Variants in LIPI observed in about 807,000 individuals in gnomAD.
LIPI encodes lipase member I.
LIPI carries 59 observed loss-of-function variants against 50.6 expected under a neutral mutation model. That is an observed-to-expected ratio of 1.16 (90% confidence interval 0.94 to 1.45). The LOEUF (loss-of-function observed/expected upper bound fraction) is 1.45. Among genes scored for constraint, LIPI ranks in the 40% most tolerant of loss-of-function variants. The pLI, the probability that LIPI is intolerant of heterozygous loss-of-function variation, is 0.00. For synonymous variants in LIPI, 203 were observed against 178.2 expected, an observed-to-expected ratio of 1.14 and a Z score of -1.11; for missense variants, 586 against 536.3, an observed-to-expected ratio of 1.09 and a Z score of -0.92.
At chr21:14,156,514 C>T (rs751125354) in intron 7 of LIPI, among the ~76,000 whole-genome samples, 3 of 151,874 alleles carry the variant, frequency 2.0e-5, no homozygotes, top group Non-Finnish European at 4.4e-5. Flanking sequence ...CCTGCTAACA[C>T]CTTGACTTTA....
chr21:14,198,821 C>T (rs541000646), intron 1 of LIPI, among the ~76,000 whole-genome samples: 1 of 151,940 alleles, frequency 6.6e-6, no homozygotes, highest in African/African-American at 2.4e-5. Flanking sequence ...TTTTCAAGGC[C>T]ACATGGCAAA....
intron 9 of LIPI, among the ~76,000 whole-genome samples, chr21:14,142,640 G>A (rs2017754863): frequency 6.6e-6 from 1 of 151,092 alleles, no homozygotes; most frequent in Non-Finnish European, 1.5e-5. Context: ...GCACCATCAT[G>A]CATGGCTAAT....
At chr21:14,129,418 A>G (rs1032759239) in intron 9 of LIPI, among the ~76,000 whole-genome samples, 5 of 152,090 alleles carry the variant, frequency 3.3e-5, no homozygotes, top group Non-Finnish European at 5.9e-5. Context: ...ATACCTAGGT[A>G]ATAACTATAA....
intron 1 of LIPI, among the ~76,000 whole-genome samples, chr21:14,202,972 C>G (rs2020109888): frequency 6.6e-6 from 1 of 150,676 alleles, no homozygotes; most frequent in Admixed American, 6.6e-5. Context: ...ACAATGAATT[C>G]AAACAAATTT....
intron 4 of LIPI, among the ~76,000 whole-genome samples, chr21:14,170,981 A>T (rs1247965533): frequency 6.6e-6 from 1 of 151,612 alleles, no homozygotes; most frequent in African/African-American, 2.4e-5. Context: ...TTCTCAGCCC[A>T]AAATCTCCTT....
intron 9 of LIPI, among the ~76,000 whole-genome samples, chr21:14,120,565 C>T (rs73155579): frequency 0.026 from 3,939 of 152,226 alleles, 74 homozygotes; most frequent in Non-Finnish European, 0.042. Flanking sequence ...GATGAGACTA[C>T]AGGAAACAGA....
chr21:14,144,593 CAT>C (rs1288179183), intron 9 of LIPI, 28 bp downstream of exon 9: 3 of 1,213,726 alleles, frequency 2.5e-6, no homozygotes, highest in South Asian at 1.3e-5. Context: ...TAAAAGATAA[CAT>C]GTTGAAATCA....
intron 9 of LIPI, among the ~76,000 whole-genome samples, chr21:14,141,522 T>C (rs1322407345): frequency 1.3e-5 from 2 of 152,198 alleles, no homozygotes; most frequent in African/African-American, 4.8e-5. Flanking sequence ...TTTATGGAAC[T>C]TTCTTCTGTT....
chr21:14,117,419 C>T (rs1253506936), intron 9 of LIPI, among the ~76,000 whole-genome samples: 1 of 152,204 alleles, frequency 6.6e-6, no homozygotes, highest in East Asian at 1.9e-4. Context: ...GAAAGCAACA[C>T]CCCAGTAGGC....
intron 7 of LIPI, 39 bp downstream of exon 7, chr21:14,163,380 T>C (rs1482314080): frequency 3.0e-6 from 3 of 1,012,716 alleles, no homozygotes; most frequent in Non-Finnish European, 4.7e-6. Flanking sequence ...CAAAAAAAAC[T>C]AAAAATTTGT....
At chr21:14,210,572 T>A (rs974473159) in intron 1 of LIPI, among the ~76,000 whole-genome samples, 2 of 152,034 alleles carry the variant, frequency 1.3e-5, no homozygotes, top group South Asian at 2.1e-4. Context: ...TTACTAATTA[T>A]CTGGCAAGGA....
chr21:14,124,511 T>G (rs907023450), intron 9 of LIPI, among the ~76,000 whole-genome samples: 1 of 152,198 alleles, frequency 6.6e-6, no homozygotes, highest in Non-Finnish European at 1.5e-5. Flanking sequence ...TGAGGCTCAG[T>G]GAGTTCCTGC....
Position 14,144,504 on chromosome 21 carries a change from A to C in LIPI, c.1295+119T>G, listed in dbSNP as rs576210452. ...AGATTCTAATATTTATGTAAAATAT[A>C]GTCTGAAATACACAATAAACAGATA... is the stretch of plus-strand genomic sequence containing the variant. On this transcript the variant is annotated intron_variant, in intron 9 of 9. Coordinates refer to ENST00000681601, the MANE Select transcript of LIPI (RefSeq NM_001302998.2). 27 of 539,774 alleles carry C rather than the reference A, an allele frequency of 5.0e-5. No individual in the cohort carries two copies. The South Asian group carries it at 8.9e-4, about 18-fold the overall frequency. The allele number at this position is 539,774 out of a possible 1,614,324, so 33.4% of individuals were successfully genotyped here.
At chr21:14,195,280 A>G (rs1050996326) in intron 1 of LIPI, among the ~76,000 whole-genome samples, 1 of 152,178 alleles carries the variant, frequency 6.6e-6, no homozygotes, top group Non-Finnish European at 1.5e-5. Context: ...CTTTGCATAC[A>G]TGGGATAGAA....
chr21:14,136,551 T>C (rs570297482), intron 9 of LIPI, among the ~76,000 whole-genome samples: 6 of 152,010 alleles, frequency 3.9e-5, no homozygotes, highest in Non-Finnish European at 8.8e-5. Flanking sequence ...AACTGCAATA[T>C]AGTAGAATAC....
chr21:14,201,996 T>C (rs1478544395), intron 1 of LIPI, among the ~76,000 whole-genome samples: 1 of 152,144 alleles, frequency 6.6e-6, no homozygotes, highest in Non-Finnish European at 1.5e-5. Context: ...AGTCTCAGGA[T>C]ACAAAATCAA....
intron 1 of LIPI, among the ~76,000 whole-genome samples, chr21:14,204,091 G>C (rs1464486884): frequency 1.3e-5 from 2 of 152,018 alleles, no homozygotes; most frequent in Admixed American, 6.6e-5. Context: ...TGTTTGTGGG[G>C]GTTATGGGGA....
intron 8 of LIPI, among the ~76,000 whole-genome samples, chr21:14,145,971 A>T (rs760215902): frequency 1.4e-4 from 21 of 152,118 alleles, no homozygotes; most frequent in Non-Finnish European, 2.2e-4. Context: ...TTTTTCACAG[A>T]CTATAATGTC....
intron 9 of LIPI, among the ~76,000 whole-genome samples, chr21:14,114,410 C>T (rs1008691105): frequency 2.6e-5 from 4 of 152,100 alleles, no homozygotes; most frequent in Non-Finnish European, 5.9e-5. Flanking sequence ...AAAAGACCCA[C>T]AAAGTGCAGG....
Sources: allele counts gnomAD v4.1 joint callset (sites outside exome capture counted in the v4.1 genomes callset), GRCh38; gene constraint gnomAD v4.1.1; transcripts MANE v1.5; gene names NCBI Gene and HGNC (gene_info 2026-07-23, HGNC 2026-07-21).